Variants in PLXNB2 observed in about 807,000 individuals in gnomAD.
PLXNB2 encodes the protein plexin B2, also known as plexin-B2.
Under a neutral mutation model 202.6 loss-of-function variants are expected in PLXNB2, and 85 were observed. The ratio of observed to expected loss-of-function variants is 0.42; its 90% CI spans 0.35 to 0.50. The LOEUF (loss-of-function observed/expected upper bound fraction) is 0.50, where lower values mean the gene tolerates loss of function less well. Among genes scored for constraint, PLXNB2 ranks in the 20% least tolerant of loss-of-function variants. The pLI is 0.02. For missense variants in PLXNB2, 2,063 were observed against 2,586.2 expected, an observed-to-expected ratio of 0.80 and a Z score of 4.39; for synonymous variants, 1,239 against 1,137.6, an observed-to-expected ratio of 1.09 and a Z score of -1.79.
At chr22:50,282,903 T>A in intron 17 of PLXNB2, 22 bp from the exon 18 acceptor site, 1 of 1,595,910 alleles carries the variant, frequency 6.3e-7, no homozygotes, top group Non-Finnish European at 8.6e-7. Context: ...AGGGTGCTGG[T>A]CTGCATCAAC....
At position 50,280,946 on chromosome 22, in the gene PLXNB2, G is replaced by A; in HGVS notation, c.3791C>T (p.Thr1264Ile). ...GATGCCGGCCTCGTGCACGTCGTTG[G>A]TCTGGTCCTCCATCTCGATCATCAG... ...TDLMIEMEDQ[T>I]NDVHEAGIPV... The change falls in exon 24 of 37, where the codon ACC becomes ATC. Residue 1264 changes from threonine (T) to isoleucine (I), a missense_variant. Thr to Ile is a moderately conservative substitution (Grantham distance 89). Coordinates refer to ENST00000359337, the MANE Select transcript of PLXNB2 (RefSeq NM_012401.4). 2 of 1,613,302 alleles carry A rather than the reference G, an allele frequency of 1.2e-6. No individual in the cohort carries two copies. Among genetic ancestry groups the A allele is most frequent in the Non-Finnish European group, 1.7e-6 (2 of 1,179,946 alleles).
At position 50,297,372 on chromosome 22, in the gene PLXNB2, G is replaced by A. The variant is rs905017625; in HGVS notation, c.-73-2594C>T. On this transcript the variant is annotated intron_variant, in intron 1 of 36. Transcript: ENST00000359337. The surrounding 1 kb of genome is among the most constrained non-coding windows in gnomAD (Gnocchi z 5.3). ...CTCGAACAACCTCCCCTGAGTGATC[G>A]ATCCACTCAGGAAGCCAGAGGCAAG... 6.6e-6 allele frequency among the ~76,000 whole-genome samples: 1 copy of A among 152,136 alleles called. No homozygotes were observed. Among genetic ancestry groups the A allele is most frequent in the East Asian group, 1.9e-4 (1 of 5,194 alleles).
intron 33 of PLXNB2, 80 bp downstream of exon 33, chr22:50,277,511 G>C (rs2065688686): frequency 7.3e-7 from 1 of 1,376,550 alleles, no homozygotes; most frequent in African/African-American, 1.5e-5. Context: ...CCACACCCCA[G>C]ACAAGGTCCC....
At chr22:50,296,193 T>TAAACAC (rs2067247380) in intron 1 of PLXNB2, among the ~76,000 whole-genome samples, 1 of 139,332 alleles carries the variant, frequency 7.2e-6, no homozygotes, top group South Asian at 2.4e-4. Flanking sequence ...TCTCAAAAAA[T>TAAACAC]ACACACACAC....
intron 2 of PLXNB2, among the ~76,000 whole-genome samples, chr22:50,292,144 T>G (rs2066913017): frequency 6.6e-6 from 1 of 152,074 alleles, no homozygotes; most frequent in East Asian, 1.9e-4. Context: ...GAGACCAGCC[T>G]GGCCAACATG....
intron 1 of PLXNB2, among the ~76,000 whole-genome samples, chr22:50,302,679 C>A (rs1206179910): frequency 1.3e-5 from 2 of 152,204 alleles, no homozygotes; most frequent in Non-Finnish European, 2.9e-5. Flanking sequence ...CCAAGCCCCT[C>A]AGCTCCCCTG....
Position 50,276,838 on chromosome 22 carries a change from T to C in PLXNB2, c.5261+4A>G, listed in dbSNP as rs2065635337. 1 of 1,606,882 alleles carries C rather than the reference T, an allele frequency of 6.2e-7. No homozygotes were observed. The highest frequency in any genetic ancestry group is 8.5e-7 in the Non-Finnish European group (1 of 1,175,862). ...GGCCTGGCCTGGAGGGCAGGCAGAC[T>C]TACTCCTCCACCATCTTCTTGTAGG... On this transcript the variant is annotated splice_donor_region_variant and intron_variant, in intron 34 of 36. Transcript: ENST00000359337.
chr22:50,285,178 C>T (rs542663662), intron 11 of PLXNB2, among the ~76,000 whole-genome samples: 122 of 151,296 alleles, frequency 8.1e-4, no homozygotes, highest in African/African-American at 2.9e-3. Context: ...CCCCTCCCTC[C>T]GTACCTTAGC....
chr22:50,279,643 T>A lies in PLXNB2; in HGVS notation c.4376A>T (p.Glu1459Val). The change falls in exon 27 of 37, where the codon GAG becomes GTG. Residue 1459 changes from glutamate (E) to valine (V), a missense_variant. Physicochemically the swap from Glu to Val is moderately radical, Grantham distance 121. This residue lies in a region of PLXNB2 where 760 missense variants were observed against 1,109.4 expected (regional missense o/e 0.69). Coordinates refer to ENST00000359337, the MANE Select transcript of PLXNB2 (RefSeq NM_012401.4). ...CCAGAAGCTCACCAGGGGTGCGTAC[T>A]CCACATCATCCCCCAGCAGCCCCGT... ...NDTGLLGDDV[E>V]YAPLTVSVIV... is the part of the protein sequence containing the mutation. 6.2e-7 allele frequency: 1 copy of A among 1,613,808 alleles called. No individual in the cohort carries two copies.
At chr22:50,282,913 C>A (rs749305895) in intron 17 of PLXNB2, 32 bp from the exon 18 acceptor site, 9 of 1,581,218 alleles carry the variant, frequency 5.7e-6, no homozygotes, top group South Asian at 4.6e-5. Context: ...TCTGCATCAA[C>A]CCCTCCCCCG....
Position 50,284,868 on chromosome 22 carries a change from C to T in PLXNB2, c.2089-203G>A, listed in dbSNP as rs747284730. 46 of 694,332 alleles carry T rather than the reference C, an allele frequency of 6.6e-5. No homozygotes were observed. The Admixed American group carries it at 7.0e-4, about 11-fold the overall frequency. The allele number at this position is 694,332 out of a possible 1,614,324, so 43.0% of individuals were successfully genotyped here. A position where few individuals can be genotyped will look rare whatever the true frequency, so the allele number is the denominator to read the frequency against. On this transcript the variant is annotated intron_variant, in intron 11 of 36. Transcript: ENST00000359337. The surrounding 1 kb of genome is among the most constrained non-coding windows in gnomAD (Gnocchi z 8.0). ...ACCTGTGTCTGCAGAAGCCTCTGAA[C>T]GTCCTCTGTGGGTTTCCCACGGCCA...
chr22:50,283,289 C>T, intron 16 of PLXNB2, 48 bp downstream of exon 16: 1 of 1,607,512 alleles, frequency 6.2e-7, no homozygotes, highest in South Asian at 1.1e-5. Flanking sequence ...CAGAGCCCCT[C>T]CTCCCGGTCC....
Position 50,284,033 on chromosome 22 carries a change from G to C in PLXNB2, c.2264-43C>G, listed in dbSNP as rs755949129. The C allele has an allele frequency of 9.3e-6, 14 of 1,510,820 alleles. No individual in the cohort carries two copies. The highest frequency in any genetic ancestry group is 1.2e-5 in the Non-Finnish European group (14 of 1,129,536). The allele number at this position is 1,510,820 out of a possible 1,614,324, so 93.6% of individuals were successfully genotyped here. On this transcript the variant is annotated intron_variant, in intron 13 of 36. Transcript: ENST00000359337. The surrounding 1 kb of genome is among the most constrained non-coding windows in gnomAD (Gnocchi z 8.0). ...GTCAGTGGTCACCCCGTGCCTGCCC[G>C]CCCCCGACCTGCTCCCCACTGCGCC...
rs2066695378 is a variant in PLXNB2 at position 50,289,249 on chromosome 22, G to A, written c.1069-107C>T. ...GGCCCTTCCCTTCCCTCCGGCACAC[G>A]TCCTACACACGTCCCCGAGAACAGA... On this transcript the variant is annotated intron_variant, in intron 3 of 36. Coordinates refer to ENST00000359337, the MANE Select transcript of PLXNB2 (RefSeq NM_012401.4). This position sits in a 1 kb window ranked among gnomAD's most constrained non-coding sequence, Gnocchi z 8.0. 10 of 1,075,658 alleles carry A rather than the reference G, an allele frequency of 9.3e-6. No homozygotes were observed. The highest frequency in any genetic ancestry group is 3.3e-5 in the South Asian group (2 of 60,658). The allele number at this position is 1,075,658 out of a possible 1,614,324, so 66.6% of individuals were successfully genotyped here. A position where few individuals can be genotyped will look rare whatever the true frequency, so the allele number is the denominator to read the frequency against.
rs1319228500 is a variant in PLXNB2, at chr22:50,284,366, T to G, written c.2182-153A>C. 2 of 772,016 alleles carry G rather than the reference T, an allele frequency of 2.6e-6. No individual in the cohort carries two copies. Among genetic ancestry groups the G allele is most frequent in the Non-Finnish European group, 4.4e-6 (2 of 459,062 alleles). 47.8% of individuals were successfully genotyped at this position (772,016 alleles called of 1,614,324 possible). ...AGGTGTCGGAAGTTCGGGAACCCCA[T>G]GGACGCTGCTCTGTGCCACTCTGTC... is the stretch of plus-strand genomic sequence containing the variant. On this transcript the variant is annotated intron_variant, in intron 12 of 36. Transcript: ENST00000359337. The surrounding 1 kb of genome is among the most constrained non-coding windows in gnomAD (Gnocchi z 8.0).
rs1210273201 is a variant in PLXNB2, at chr22:50,291,736, C to G, written c.-13-1139G>C. Among the ~76,000 whole-genome samples the G allele has an allele frequency of 6.6e-6, 1 of 152,172 alleles. No homozygotes were observed. The highest frequency in any genetic ancestry group is 6.5e-5 in the Admixed American group (1 of 15,286). On this transcript the variant is annotated intron_variant, in intron 2 of 36. Coordinates refer to ENST00000359337, the MANE Select transcript of PLXNB2 (RefSeq NM_012401.4). This position sits in a 1 kb window ranked among gnomAD's most constrained non-coding sequence, Gnocchi z 4.3. ...TGGCCAGTGATCCCTACATCAGCCT[C>G]CCCTGCCAGTGCCCCCTCCTCATGC...
At chr22:50,287,436 C>G (rs1408654662) in intron 7 of PLXNB2, among the ~76,000 whole-genome samples, 172 bp from the exon 8 acceptor site, 3 of 152,164 alleles carry the variant, frequency 2.0e-5, no homozygotes, top group African/African-American at 7.2e-5. Flanking sequence ...ACTCCTGGGA[C>G]AGGGCCTGAG....
In PLXNB2 at chr22:50,278,633, C is replaced by T. The variant is rs1253547739; in HGVS notation, c.4610G>A (p.Gly1537Asp). ...AAGGGTGTTGACGCGCTTCCACCGG[C>T]CCTCCCGCTGTGACGTCAGGTCCAG... ...SDLDLTSQRE[G>D]RWKRVNTLMH... Residue 1537 changes from glycine (G) to aspartate (D), a missense_variant, in exon 29 of 37, where the codon GGC (glycine) becomes GAC (aspartate). Around this residue, in one of 2 missense-constraint regions of PLXNB2, gnomAD observed 760 missense variants for 1,109.4 expected, o/e 0.69. Coordinates refer to ENST00000359337, the MANE Select transcript of PLXNB2 (RefSeq NM_012401.4). The T allele has an allele frequency of 8.7e-6, 14 of 1,612,956 alleles. No individual in the cohort carries two copies. Among genetic ancestry groups the T allele is most frequent in the Non-Finnish European group, 1.1e-5 (13 of 1,179,884 alleles).
chr22:50,283,023 G>C, intron 17 of PLXNB2, 27 bp downstream of exon 17: 1 of 1,595,582 alleles, frequency 6.3e-7, no homozygotes, highest in Non-Finnish European at 8.5e-7. Context: ...GGGCCAACCA[G>C]ACTCAGCAGC....
Sources: gnomAD v4.1 joint callset for allele counts (sites outside exome capture counted in the v4.1 genomes callset) on GRCh38, gnomAD v4.1.1 for gene constraint, gnomAD v4.1.1 regional missense constraint, Gnocchi (gnomAD v3.1) non-coding constraint, MANE v1.5 for transcripts, NCBI Gene and HGNC (gene_info 2026-07-23, HGNC 2026-07-21) for gene names.